The following MACROD2 variants were observed in gnomAD, a reference collection of about 807,000 sequenced individuals.
MACROD2 encodes the protein ADP-ribose glycohydrolase MACROD2.
In MACROD2, 36 loss-of-function variants were observed where a neutral mutation model predicts 70.4. That is an observed-to-expected ratio of 0.51 (90% CI 0.39 to 0.68). The LOEUF is 0.68. Ranked by LOEUF, MACROD2 falls within the 30% of genes least tolerant of loss-of-function variation. The probability of loss-of-function intolerance (pLI) is 0.00; values close to 1 mark genes in which losing one functional copy is unlikely to be tolerated. For synonymous variants in MACROD2, 172 were observed against 178.8 expected (o/e 0.96, Z 0.30); for missense variants, 496 against 538.4 (o/e 0.92, Z 0.78).
chr20:15,477,700 G>A (rs370006193), intron 7 of MACROD2, among the ~76,000 whole-genome samples: 22 of 152,168 alleles, frequency 1.4e-4, no homozygotes, highest in East Asian at 1.9e-4. Context: ...AGAGGTCCGC[G>A]TCCTAGTTCA....
At chr20:15,972,727 T>C (rs1008691958) in intron 13 of MACROD2, among the ~76,000 whole-genome samples, 2 of 151,974 alleles carry the variant, frequency 1.3e-5, no homozygotes, top group African/African-American at 4.8e-5. Flanking sequence ...GGAGAATCAC[T>C]TGAATCCAGG....
At chr20:15,529,271 CGT>C (rs140068832) in intron 8 of MACROD2, among the ~76,000 whole-genome samples, 14 of 149,340 alleles carry the variant, frequency 9.4e-5, no homozygotes, top group Non-Finnish European at 1.6e-4. Flanking sequence ...CTGTGGGATG[CGT>C]GTGTGTGTGT....
intron 5 of MACROD2, among the ~76,000 whole-genome samples, chr20:15,209,083 T>G (rs1173499821): frequency 6.6e-6 from 1 of 152,070 alleles, no homozygotes; most frequent in Admixed American, 6.6e-5. Flanking sequence ...GGTCATCCCT[T>G]TCCTGTGGTG....
intron 6 of MACROD2, among the ~76,000 whole-genome samples, chr20:15,249,909 A>G (rs765732181): frequency 1.3e-5 from 2 of 152,238 alleles, no homozygotes; most frequent in African/African-American, 2.4e-5. Flanking sequence ...AAATGTAGGT[A>G]TTATTTTTCC....
chr20:15,520,939 G>A (rs1363937295), intron 8 of MACROD2, among the ~76,000 whole-genome samples: 2 of 152,230 alleles, frequency 1.3e-5, no homozygotes, highest in East Asian at 3.8e-4. Flanking sequence ...CGGAGCTGCA[G>A]CCCTCAACTT....
At chr20:15,199,405 T>C (rs945129180) in intron 5 of MACROD2, among the ~76,000 whole-genome samples, 7 of 152,120 alleles carry the variant, frequency 4.6e-5, no homozygotes, top group African/African-American at 1.7e-4. Flanking sequence ...TGTAAATGTA[T>C]GTATGTGTGA....
intron 8 of MACROD2, among the ~76,000 whole-genome samples, chr20:15,673,605 G>T (rs1042244127): frequency 3.9e-5 from 6 of 152,082 alleles, no homozygotes; most frequent in African/African-American, 1.4e-4. Context: ...GAGATATTTT[G>T]AATATCACAT....
intron 4 of MACROD2, among the ~76,000 whole-genome samples, chr20:14,546,806 A>G (rs1295611368): frequency 6.6e-6 from 1 of 152,184 alleles, no homozygotes; most frequent in Non-Finnish European, 1.5e-5. Context: ...ATTACAAATA[A>G]TAGCCATTGT....
intron 7 of MACROD2, among the ~76,000 whole-genome samples, chr20:15,472,590 A>G (rs1468137876): frequency 6.6e-6 from 1 of 151,512 alleles, no homozygotes; most frequent in Non-Finnish European, 1.5e-5. Flanking sequence ...TATTTCTTTC[A>G]CCTTGTTCCC....
At chr20:14,075,385 G>T (rs6042508) in intron 2 of MACROD2, among the ~76,000 whole-genome samples, 147,176 of 152,272 alleles carry the variant, frequency 0.97, 71,311 homozygotes, top group East Asian at 1. Context: ...ACAGCCGAGT[G>T]TAATACTATC....
chr20:14,133,000 A>ATGTGTG (rs142626031), intron 3 of MACROD2, among the ~76,000 whole-genome samples: 1 of 150,978 alleles, frequency 6.6e-6, no homozygotes, highest in South Asian at 2.1e-4. Context: ...AACATAACAT[A>ATGTGTG]TGTGTGTGTG....
intron 5 of MACROD2, among the ~76,000 whole-genome samples, chr20:15,203,108 G>A (rs150549341): frequency 1.7e-3 from 256 of 152,170 alleles, no homozygotes; most frequent in African/African-American, 6.0e-3. Context: ...TCACACATTT[G>A]GTTTTTCAAA....
chr20:14,147,582 A>T (rs1234116197), intron 3 of MACROD2, among the ~76,000 whole-genome samples: 2 of 152,222 alleles, frequency 1.3e-5, no homozygotes, highest in African/African-American at 4.8e-5. Flanking sequence ...GTTTAACAAT[A>T]GTGGGAAGAC....
chr20:15,867,899 C>T (rs765272053), intron 9 of MACROD2, among the ~76,000 whole-genome samples: 2 of 152,126 alleles, frequency 1.3e-5, no homozygotes, highest in African/African-American at 4.8e-5. Context: ...TTCTCAACTA[C>T]GAGCGATTTT....
intron 3 of MACROD2, among the ~76,000 whole-genome samples, chr20:14,452,090 C>G (rs1425843446): frequency 2.0e-5 from 3 of 152,014 alleles, no homozygotes; most frequent in Non-Finnish European, 4.4e-5. Context: ...CCAGAGGCTT[C>G]TGATTCTTCT....
intron 6 of MACROD2, among the ~76,000 whole-genome samples, chr20:15,311,992 A>G (rs1359540836): frequency 6.6e-6 from 1 of 152,198 alleles, no homozygotes; most frequent in Non-Finnish European, 1.5e-5. Flanking sequence ...GGAAAGTAAT[A>G]TTTTAGTAGC....
At chr20:14,609,020 T>C (rs1460402926) in intron 4 of MACROD2, among the ~76,000 whole-genome samples, 2 of 151,800 alleles carry the variant, frequency 1.3e-5, no homozygotes, top group Non-Finnish European at 2.9e-5. Context: ...CTTGGTGAGG[T>C]TTGGGGGTTT....
At chr20:15,575,810 G>T (rs966901471) in intron 8 of MACROD2, among the ~76,000 whole-genome samples, 1 of 152,076 alleles carries the variant, frequency 6.6e-6, no homozygotes, top group Non-Finnish European at 1.5e-5. Context: ...GAATGTCTAA[G>T]CCTCTCAACA....
chr20:15,107,637 G>C (rs777942478), intron 5 of MACROD2, among the ~76,000 whole-genome samples: 4 of 150,610 alleles, frequency 2.7e-5, no homozygotes, highest in African/African-American at 9.8e-5. Context: ...TGAGACTGTT[G>C]TTTCTCTCCC....
Sources: gnomAD v4.1 joint callset for allele counts (sites outside exome capture counted in the v4.1 genomes callset) on GRCh38, gnomAD v4.1.1 for gene constraint, MANE v1.5 for transcripts, NCBI Gene and HGNC (gene_info 2026-07-23, HGNC 2026-07-21) for gene names.